SSBP2: variants seen among roughly 807,000 people sequenced by gnomAD.
SSBP2 encodes single-stranded DNA-binding protein 2.
Under a neutral mutation model 61.8 loss-of-function variants are expected in SSBP2, and 17 were observed. That is an observed-to-expected ratio of 0.28 (90% CI 0.19 to 0.41). The LOEUF (loss-of-function observed/expected upper bound fraction) is 0.41. Ranked by LOEUF, SSBP2 falls within the 10% of genes least tolerant of loss-of-function variation. The pLI is 1.00. For synonymous variants in SSBP2, 139 were observed against 141.3 expected (o/e 0.98, Z 0.12); for missense variants, 310 against 458.7 (o/e 0.68, Z 2.96).
At chr5:81,605,704 A>AG (rs139939702) in intron 4 of SSBP2, among the ~76,000 whole-genome samples, 1,762 of 152,270 alleles carry the variant, frequency 0.012, 12 homozygotes, top group East Asian at 0.038. Flanking sequence ...AGAAAAAAGA[A>AG]GGGAAAAACA....
At chr5:81,517,158 A>T (rs1769093104) in intron 4 of SSBP2, among the ~76,000 whole-genome samples, 1 of 152,124 alleles carries the variant, frequency 6.6e-6, no homozygotes, top group Non-Finnish European at 1.5e-5. Context: ...CTCTCTTAAA[A>T]GAGAAAAACA....
intron 4 of SSBP2, chr5:81,615,269 A>G: frequency 1.8e-6 from 1 of 549,178 alleles, no homozygotes; most frequent in Non-Finnish European, 3.2e-6. Flanking sequence ...AATTAGGCCT[A>G]CGCTTTATCC....
intron 6 of SSBP2, among the ~76,000 whole-genome samples, chr5:81,480,982 A>G (rs1462865286): frequency 1.3e-5 from 2 of 152,202 alleles, no homozygotes; most frequent in Non-Finnish European, 2.9e-5. Flanking sequence ...CTCATCCATG[A>G]GAAGTAACTC....
intron 1 of SSBP2, among the ~76,000 whole-genome samples, chr5:81,747,463 T>A (rs1757431706): frequency 6.6e-6 from 1 of 152,084 alleles, no homozygotes; most frequent in African/African-American, 2.4e-5. Flanking sequence ...AAAATATACA[T>A]AAAACACTGA....
intron 2 of SSBP2, among the ~76,000 whole-genome samples, chr5:81,649,346 C>T (rs1749539264): frequency 6.6e-6 from 1 of 152,026 alleles, no homozygotes; most frequent in African/African-American, 2.4e-5. Flanking sequence ...ACAAGCACCA[C>T]TGTAAGAAAG....
chr5:81,603,812 G>A (rs977679957), intron 4 of SSBP2, among the ~76,000 whole-genome samples: 1 of 152,074 alleles, frequency 6.6e-6, no homozygotes, highest in Non-Finnish European at 1.5e-5. Context: ...ATAAAAAATA[G>A]TTCTATGGTC....
rs190765092 is a variant in SSBP2 at position 81,704,216 on chromosome 5, T to C, written c.62+46765A>G. ...TTAATGATGACATGACTACGATTGG[T>C]GAGGAGTATGGCAGGCTTTCACTAT... On this transcript the variant is annotated intron_variant, in intron 1 of 16. Coordinates refer to ENST00000320672, the MANE Select transcript of SSBP2 (RefSeq NM_012446.5). 3.3e-5 allele frequency among the ~76,000 whole-genome samples: 5 copies of C among 152,328 alleles called. No individual in the cohort carries two copies. The East Asian group carries it at 9.7e-4, about 29-fold the overall frequency.
In SSBP2 at chr5:81,480,205, A is replaced by G. The variant is rs181989029; in HGVS notation, c.433-5643T>C. ...TCATAAAAGAATTATTTAGTTCACA[A>G]AGAATGCATCATAACTTCAATGGCA... On this transcript the variant is annotated intron_variant, in intron 6 of 16. Transcript: ENST00000320672. Among the ~76,000 whole-genome samples, 15 of 152,354 alleles carry G rather than the reference A, an allele frequency of 9.8e-5. No individual in the cohort carries two copies. In the East Asian group the frequency reaches 2.9e-3, roughly 29 times the overall value.
At chr5:81,715,474 T>C (rs1449701918) in intron 1 of SSBP2, among the ~76,000 whole-genome samples, 2 of 152,234 alleles carry the variant, frequency 1.3e-5, no homozygotes, top group Middle Eastern at 3.4e-3. Context: ...ATTAAGAACA[T>C]GAAATTAATA....
rs778759288 is a variant in SSBP2 at position 81,489,324 on chromosome 5, C to T, written c.373-15G>A. 20 of 1,592,070 alleles carry T rather than the reference C, an allele frequency of 1.3e-5. No homozygotes were observed. The highest frequency in any genetic ancestry group is 1.7e-5 in the Non-Finnish European group (20 of 1,173,542). ...GACATAAAAGGCTATTGAAGTAAAACAAATAAACAAACAAAACAAAAAACA... is the reference window on the plus strand; with the variant it reads ...GACATAAAAGGCTATTGAAGTAAAATAAATAAACAAACAAAACAAAAAACA... On this transcript the variant is annotated splice_polypyrimidine_tract_variant and intron_variant, in intron 5 of 16. Coordinates refer to ENST00000320672, the MANE Select transcript of SSBP2 (RefSeq NM_012446.5).
intron 4 of SSBP2, among the ~76,000 whole-genome samples, chr5:81,547,252 C>G (rs903608485): frequency 6.6e-6 from 1 of 152,166 alleles, no homozygotes; most frequent in African/African-American, 2.4e-5. Context: ...AGCAACTGCT[C>G]TCCTTGATAC....
intron 4 of SSBP2, among the ~76,000 whole-genome samples, chr5:81,597,991 A>G (rs190895735): frequency 0.018 from 2,791 of 152,094 alleles, 87 homozygotes; most frequent in African/African-American, 0.063. Flanking sequence ...CATGTACCCT[A>G]AAACTTAAAG....
chr5:81,570,972 A>G (rs1480028473), intron 4 of SSBP2, among the ~76,000 whole-genome samples: 39 of 152,168 alleles, frequency 2.6e-4, no homozygotes, highest in Admixed American at 2.3e-3. Flanking sequence ...GAAGACAACT[A>G]TCACATCTGT....
chr5:81,584,762 T>C (rs1774935143), intron 4 of SSBP2, among the ~76,000 whole-genome samples: 1 of 152,160 alleles, frequency 6.6e-6, no homozygotes, highest in Non-Finnish European at 1.5e-5. Flanking sequence ...CTGAGGAAGA[T>C]ACATAATATT....
intron 4 of SSBP2, among the ~76,000 whole-genome samples, chr5:81,555,193 T>C (rs1256779303): frequency 6.6e-6 from 1 of 152,044 alleles, no homozygotes; most frequent in African/African-American, 2.4e-5. Context: ...TATAGCAAAA[T>C]AAATTTAATT....
At chr5:81,714,403 A>T (rs945921414) in intron 1 of SSBP2, among the ~76,000 whole-genome samples, 1 of 152,154 alleles carries the variant, frequency 6.6e-6, no homozygotes, top group African/African-American at 2.4e-5. Flanking sequence ...ATGATTTATA[A>T]TCCTTTGGGT....
intron 4 of SSBP2, among the ~76,000 whole-genome samples, chr5:81,549,822 A>C (rs975223388): frequency 3.3e-5 from 5 of 152,174 alleles, no homozygotes; most frequent in Non-Finnish European, 7.3e-5. Context: ...ACCACCCTCT[A>C]AGGTGATAAT....
chr5:81,611,707 T>G (rs978205114), intron 4 of SSBP2, among the ~76,000 whole-genome samples: 3 of 152,128 alleles, frequency 2.0e-5, no homozygotes, highest in Admixed American at 2.0e-4. Flanking sequence ...TAAAAATATT[T>G]CAGTGAGAGA....
At chr5:81,599,338 A>T (rs1488311883) in intron 4 of SSBP2, among the ~76,000 whole-genome samples, 1 of 152,198 alleles carries the variant, frequency 6.6e-6, no homozygotes, top group Non-Finnish European at 1.5e-5. Context: ...TTTTTCCCCT[A>T]TTCTTTGATA....
Sources: gnomAD v4.1 joint callset for allele counts (sites outside exome capture counted in the v4.1 genomes callset) on GRCh38, gnomAD v4.1.1 for gene constraint, MANE v1.5 for transcripts, NCBI Gene and HGNC (gene_info 2026-07-23, HGNC 2026-07-21) for gene names.